Variants in SAMHD1 observed in about 807,000 individuals in gnomAD.
SAMHD1 encodes SAM and HD domain containing deoxynucleoside triphosphate triphosphohydrolase 1, also known as deoxynucleoside triphosphate triphosphohydrolase SAMHD1.
In SAMHD1, 54 loss-of-function variants were observed where a neutral mutation model predicts 79.6. The observed-to-expected ratio is 0.68, with a 90% CI of 0.55 to 0.85. SAMHD1 has a LOEUF of 0.85. SAMHD1 is among the 40% of genes least tolerant of loss of function. The pLI is 0.00. For synonymous variants in SAMHD1, 260 were observed against 264.1 expected, an observed-to-expected ratio of 0.98 and a Z score of 0.15; for missense variants, 663 against 782.7, an observed-to-expected ratio of 0.85 and a Z score of 1.82.
intron 3 of SAMHD1, among the ~76,000 whole-genome samples, chr20:36,938,864 AACAAC>A (rs2063621520): frequency 6.6e-6 from 1 of 151,546 alleles, no homozygotes; most frequent in Non-Finnish European, 1.5e-5. Context: ...AACAAAACAA[AACAAC>A]AACAAAACAT....
chr20:36,914,389 C>T (rs537849377), intron 9 of SAMHD1, among the ~76,000 whole-genome samples: 37 of 151,960 alleles, frequency 2.4e-4, no homozygotes, highest in African/African-American at 8.4e-4. Context: ...CTTGCTCTGC[C>T]GCCCAGGCTG....
chr20:36,904,418 G>A, intron 12 of SAMHD1, 169 bp from the exon 13 acceptor site: 3 of 619,926 alleles, frequency 4.8e-6, no homozygotes, highest in Non-Finnish European at 8.7e-6. Context: ...GAGCATTTTT[G>A]TAAAAAATTG....
chr20:36,895,742 GT>G (rs770101235), intron 15 of SAMHD1, among the ~76,000 whole-genome samples: 1 of 151,892 alleles, frequency 6.6e-6, no homozygotes, highest in Non-Finnish European at 1.5e-5. Context: ...AGAGTTTTCA[GT>G]GATTTAGTTT....
chr20:36,933,334 T>C (rs2063579457), intron 4 of SAMHD1, among the ~76,000 whole-genome samples: 1 of 152,188 alleles, frequency 6.6e-6, no homozygotes, highest in Non-Finnish European at 1.5e-5. Context: ...TCGCCTTCTC[T>C]AAGATTATGA....
At chr20:36,921,222 A>G (rs533825719) in intron 6 of SAMHD1, among the ~76,000 whole-genome samples, 1 of 151,916 alleles carries the variant, frequency 6.6e-6, no homozygotes, top group East Asian at 1.9e-4. Flanking sequence ...GTGACACCCC[A>G]TCTCTACTAA....
intron 4 of SAMHD1, 27 bp from the exon 5 acceptor site, chr20:36,930,902 C>G (rs1308523557): frequency 6.6e-7 from 1 of 1,510,304 alleles, no homozygotes; most frequent in African/African-American, 1.4e-5. Flanking sequence ...CAAAAAGTCA[C>G]TTTTCTGTTT....
At chr20:36,935,465 T>A (rs944756393) in intron 3 of SAMHD1, 5 of 436,758 alleles carry the variant, frequency 1.1e-5, no homozygotes, top group Non-Finnish European at 1.7e-5. Flanking sequence ...TATGACTTAG[T>A]CTTTAATAAG....
At chr20:36,942,830 G>A (rs1374361656) in intron 2 of SAMHD1, among the ~76,000 whole-genome samples, 2 of 151,738 alleles carry the variant, frequency 1.3e-5, no homozygotes, top group Non-Finnish European at 2.9e-5. Flanking sequence ...TTTTGTTTTT[G>A]TATTTTTAGT....
intron 4 of SAMHD1, among the ~76,000 whole-genome samples, chr20:36,934,397 G>A (rs1216200885): frequency 1.3e-5 from 2 of 150,658 alleles, no homozygotes; most frequent in African/African-American, 4.9e-5. Flanking sequence ...GGTGGTGGGC[G>A]CCTGTAATCC....
At chr20:36,933,473 A>C (rs928676561) in intron 4 of SAMHD1, among the ~76,000 whole-genome samples, 7 of 152,132 alleles carry the variant, frequency 4.6e-5, no homozygotes, top group Non-Finnish European at 8.8e-5. Context: ...TAGTTGTATC[A>C]GCAACCGACC....
At chr20:36,950,766 A>G (rs1443447113) in intron 1 of SAMHD1, among the ~76,000 whole-genome samples, 1 of 152,214 alleles carries the variant, frequency 6.6e-6, no homozygotes, top group Non-Finnish European at 1.5e-5. Context: ...CTGCAAGTGC[A>G]GTCAACACAC....
intron 12 of SAMHD1, 152 bp downstream of exon 12, chr20:36,905,212 A>T: frequency 1.2e-6 from 1 of 805,858 alleles, no homozygotes. Context: ...CTATCTGTAA[A>T]ACAGGCCTAA....
chr20:36,921,124 G>C (rs2063501164), intron 6 of SAMHD1, among the ~76,000 whole-genome samples: 1 of 152,038 alleles, frequency 6.6e-6, no homozygotes, highest in African/African-American at 2.4e-5. Flanking sequence ...GCCGGGCACA[G>C]TAGCTCACGC....
At chr20:36,890,023 T>G (rs962236565), downstream of SAMHD1, 1 of 152,218 alleles carries the variant, frequency 6.6e-6, no homozygotes, top group African/African-American at 2.4e-5. Context: ...GCTTGAGCAC[T>G]GGAACTAATA....
intron 13 of SAMHD1, among the ~76,000 whole-genome samples, chr20:36,902,132 T>A (rs182776268): frequency 6.6e-6 from 1 of 152,120 alleles, no homozygotes; most frequent in Non-Finnish European, 1.5e-5. Flanking sequence ...GGAAGCATGG[T>A]TGGAGTTCTG....
intron 3 of SAMHD1, among the ~76,000 whole-genome samples, chr20:36,935,943 G>A (rs2063601014): frequency 6.6e-6 from 1 of 151,996 alleles, no homozygotes; most frequent in South Asian, 2.1e-4. Context: ...GGGAGGCAGG[G>A]AAAGAAAGAA....
chr20:36,921,350 G>A (rs1220178174), intron 6 of SAMHD1, among the ~76,000 whole-genome samples: 3 of 119,300 alleles, frequency 2.5e-5, no homozygotes, highest in Admixed American at 1.2e-4. Context: ...CCGAGATCAC[G>A]CCACTGCACT....
At chr20:36,915,703 C>G (rs1225617215) in intron 9 of SAMHD1, among the ~76,000 whole-genome samples, 1 of 151,344 alleles carries the variant, frequency 6.6e-6, no homozygotes, top group East Asian at 1.9e-4. Flanking sequence ...TGCCACTGTA[C>G]CCCAGCCTAG....
intron 10 of SAMHD1, 186 bp downstream of exon 10, chr20:36,912,275 C>T: frequency 3.5e-6 from 2 of 577,970 alleles, no homozygotes; most frequent in Non-Finnish European, 6.2e-6. Flanking sequence ...CCTTTATCCA[C>T]TTCCCTCCTT....
Sources: allele counts gnomAD v4.1 joint callset (sites outside exome capture counted in the v4.1 genomes callset), GRCh38; gene constraint gnomAD v4.1.1; transcripts MANE v1.5; gene names NCBI Gene and HGNC (gene_info 2026-07-23, HGNC 2026-07-21).